AGAP1: variants seen among roughly 807,000 people sequenced by gnomAD.
AGAP1 encodes ArfGAP with GTPase domain, ankyrin repeat and PH domain 1, also known as arf-GAP with GTPase, ANK repeat and PH domain-containing protein 1.
In AGAP1, 29 loss-of-function variants were observed where a neutral mutation model predicts 105.3. The ratio of observed to expected loss-of-function variants is 0.28; its 90% CI spans 0.21 to 0.38. The LOEUF (loss-of-function observed/expected upper bound fraction) is 0.38, where lower values mean the gene tolerates loss of function less well. Among genes scored for constraint, AGAP1 ranks in the 10% least tolerant of loss-of-function variants. The pLI is 1.00. For synonymous variants in AGAP1, 509 were observed against 485.9 expected (o/e 1.05, Z -0.63); for missense variants, 998 against 1,165.1 (o/e 0.86, Z 2.09).
Position 235,991,654 on chromosome 2 carries a change from C to T in AGAP1, c.1645+23031C>T, listed in dbSNP as rs572497594. Among the ~76,000 whole-genome samples the T allele has an allele frequency of 2.6e-5, 4 of 152,282 alleles. No individual in the cohort carries two copies. In the East Asian group the frequency reaches 5.8e-4, roughly 22 times the overall value. ...CCCAGCAATTGGAAAAAGACATGAG[C>T]GTTTAATACTGGGCGTTCTTTCTAA... On this transcript the variant is annotated intron_variant, in intron 13 of 17. Transcript: ENST00000304032.
chr2:235,878,546 G>T (rs943276701), intron 9 of AGAP1, among the ~76,000 whole-genome samples: 1 of 152,180 alleles, frequency 6.6e-6, no homozygotes, highest in African/African-American at 2.4e-5. Flanking sequence ...TAGTCGGGTT[G>T]AGATTTCTTG....
Position 235,965,956 on chromosome 2 carries a change from G to C in AGAP1, c.1484-2506G>C, listed in dbSNP as rs1250476081. 6.6e-6 allele frequency among the ~76,000 whole-genome samples: 1 copy of C among 152,126 alleles called. No homozygotes were observed. The highest frequency in any genetic ancestry group is 1.5e-5 in the Non-Finnish European group (1 of 68,022). On this transcript the variant is annotated intron_variant, in intron 12 of 17. Transcript: ENST00000304032. The surrounding 1 kb of genome is among the most constrained non-coding windows in gnomAD (Gnocchi z 5.8). ...AGAGAGGGGAGCCCATTCCTCTAGG[G>C]ATGGAGAGAGGGGAGTCCGTTCCTC...
intron 11 of AGAP1, among the ~76,000 whole-genome samples, chr2:235,911,576 G>A (rs1479786077): frequency 6.6e-6 from 1 of 152,248 alleles, no homozygotes; most frequent in Non-Finnish European, 1.5e-5. Flanking sequence ...AAACACTAAT[G>A]TGTGATTTTA....
At chr2:236,049,702 T>C (rs116514153) in intron 16 of AGAP1, 3,664 of 154,006 alleles carry the variant, frequency 0.024, 135 homozygotes, top group African/African-American at 0.084. Context: ...ACAAAAGTTA[T>C]TTTTATGGTA....
rs547964796 is a variant in AGAP1, at chr2:236,119,524, C to G, written c.2115-668C>G. Among the ~76,000 whole-genome samples, 5 of 152,278 alleles carry G rather than the reference C, an allele frequency of 3.3e-5. No homozygotes were observed. The South Asian group carries it at 1.0e-3, about 32-fold the overall frequency. ...ACACCCCCTATTTCGGAGTTTGAAG[C>G]TAAAAGCACATGGTCACCCCCAGGT... On this transcript the variant is annotated intron_variant, in intron 16 of 17. Transcript: ENST00000304032. The surrounding 1 kb of genome is among the most constrained non-coding windows in gnomAD (Gnocchi z 6.6).
chr2:236,023,523 G>A (rs1026716835), intron 13 of AGAP1, among the ~76,000 whole-genome samples: 2 of 152,172 alleles, frequency 1.3e-5, no homozygotes, highest in Non-Finnish European at 2.9e-5. Flanking sequence ...GTGGTAATGT[G>A]TTCACCACGG....
intron 10 of AGAP1, among the ~76,000 whole-genome samples, chr2:235,892,322 G>T (rs946516152): frequency 6.6e-6 from 1 of 152,028 alleles, no homozygotes; most frequent in Non-Finnish European, 1.5e-5. Flanking sequence ...TACTAGGCAG[G>T]TTAATTTCTA....
chr2:235,888,813 C>A lies in AGAP1; in HGVS notation c.1155+5364C>A, dbSNP rs1481427114. Among the ~76,000 whole-genome samples the A allele has an allele frequency of 6.6e-6, 1 of 152,162 alleles. No homozygotes were observed. Among genetic ancestry groups the A allele is most frequent in the South Asian group, 2.1e-4 (1 of 4,832 alleles). On this transcript the variant is annotated intron_variant, in intron 10 of 17. Coordinates refer to ENST00000304032, the MANE Select transcript of AGAP1 (RefSeq NM_001037131.3). This position sits in a 1 kb window ranked among gnomAD's most constrained non-coding sequence, Gnocchi z 4.8. The stretch of plus-strand genomic sequence containing the variant: ...CTGTGGCCACTTCAGCTCCTGCGTG[C>A]TCCCAGCAGTGCCAGCATCCTCATA...
At chr2:235,823,778 C>G (rs1187394704) in intron 9 of AGAP1, among the ~76,000 whole-genome samples, 4 of 152,080 alleles carry the variant, frequency 2.6e-5, no homozygotes, top group Admixed American at 2.6e-4. Context: ...TTTAAATATG[C>G]AAGGGAATAG....
At position 236,062,547 on chromosome 2, in the gene AGAP1, C is replaced by T. The variant is rs2058230345; in HGVS notation, c.2114+13266C>T. Among the ~76,000 whole-genome samples, 1 of 152,160 alleles carries T rather than the reference C, an allele frequency of 6.6e-6. No individual in the cohort carries two copies. The highest frequency in any genetic ancestry group is 6.5e-5 in the Admixed American group (1 of 15,276). On this transcript the variant is annotated intron_variant, in intron 16 of 17. Transcript: ENST00000304032. The surrounding 1 kb of genome is among the most constrained non-coding windows in gnomAD (Gnocchi z 4.2). Reference sequence around the variant, plus strand: ...CTTGAATGCAGTGGCATGATCATAGCTTACTGCAACCCCAGACTCCCAGGC... The same window carrying T: ...CTTGAATGCAGTGGCATGATCATAGTTTACTGCAACCCCAGACTCCCAGGC...
chr2:235,522,911 G>A (rs1243980331), intron 1 of AGAP1, among the ~76,000 whole-genome samples: 2 of 152,212 alleles, frequency 1.3e-5, no homozygotes, highest in Non-Finnish European at 2.9e-5. Context: ...TTGGCAGTTG[G>A]CATGGTGGAT....
In AGAP1 at chr2:235,551,070, G is replaced by A. The variant is rs543044645; in HGVS notation, c.163+56221G>A. On this transcript the variant is annotated intron_variant, in intron 1 of 17. Transcript: ENST00000304032. This position sits in a 1 kb window ranked among gnomAD's most constrained non-coding sequence, Gnocchi z 4.8. ...ATTACAGGCGTGAGCCACCGCGCTC[G>A]GCCATAGATAGTGTTTCTTAAGAGT... 2.0e-5 allele frequency among the ~76,000 whole-genome samples: 3 copies of A among 152,196 alleles called. No homozygotes were observed. Among genetic ancestry groups the A allele is most frequent in the African/African-American group, 7.2e-5 (3 of 41,544 alleles).
At chr2:235,571,970 A>ATG (rs1944536157) in intron 1 of AGAP1, among the ~76,000 whole-genome samples, 2 of 54,686 alleles carry the variant, frequency 3.7e-5, no homozygotes, top group Non-Finnish European at 7.1e-5. Flanking sequence ...ATACATATAT[A>ATG]TGTATACACA....
intron 1 of AGAP1, among the ~76,000 whole-genome samples, chr2:235,547,611 G>A (rs1292021737): frequency 2.6e-5 from 4 of 151,938 alleles, no homozygotes; most frequent in African/African-American, 7.3e-5. Context: ...TGCCTGCCTC[G>A]GCCTCCCAAA....
chr2:235,564,930 C>CA (rs1338997285), intron 1 of AGAP1, among the ~76,000 whole-genome samples: 1 of 148,702 alleles, frequency 6.7e-6, no homozygotes, highest in Admixed American at 6.6e-5. Flanking sequence ...AACCACCACT[C>CA]ACGGCCAGCT....
intron 6 of AGAP1, among the ~76,000 whole-genome samples, chr2:235,796,160 C>G (rs2150034889): frequency 6.6e-6 from 1 of 152,218 alleles, no homozygotes; most frequent in Non-Finnish European, 1.5e-5. Flanking sequence ...AATCAAAGCC[C>G]CTTATTGCTA....
At chr2:235,821,476 C>G (rs180815455) in intron 9 of AGAP1, among the ~76,000 whole-genome samples, 1 of 151,508 alleles carries the variant, frequency 6.6e-6, no homozygotes. Context: ...CTCTGCCTCC[C>G]GGGTTCACAC....
rs2054439095 is a variant in AGAP1 at position 235,967,237 on chromosome 2, C to T, written c.1484-1225C>T. Reference sequence around the variant, plus strand: ...CTGACTGTTTCTCTGCTCTCATTACCTTCTCACTCCTCTGCCATTTTCAAG... The same window carrying T: ...CTGACTGTTTCTCTGCTCTCATTACTTTCTCACTCCTCTGCCATTTTCAAG... On this transcript the variant is annotated intron_variant, in intron 12 of 17. Transcript: ENST00000304032. This position sits in a 1 kb window ranked among gnomAD's most constrained non-coding sequence, Gnocchi z 4.7. Among the ~76,000 whole-genome samples the T allele has an allele frequency of 6.6e-6, 1 of 152,146 alleles. No homozygotes were observed. Among genetic ancestry groups the T allele is most frequent in the African/African-American group, 2.4e-5 (1 of 41,430 alleles).
At position 236,036,361 on chromosome 2, in the gene AGAP1, A is replaced by C. The variant is rs2057381661; in HGVS notation, c.1646-200A>C. 6.6e-6 allele frequency among the ~76,000 whole-genome samples: 1 copy of C among 152,178 alleles called. No homozygotes were observed. Among genetic ancestry groups the C allele is most frequent in the Non-Finnish European group, 1.5e-5 (1 of 68,032 alleles). On this transcript the variant is annotated intron_variant, in intron 13 of 17. Coordinates refer to ENST00000304032, the MANE Select transcript of AGAP1 (RefSeq NM_001037131.3). This position sits in a 1 kb window ranked among gnomAD's most constrained non-coding sequence, Gnocchi z 5.7. ...GCCTTGATTGAAACCTGGCTAAGTC[A>C]TGCTGGCCTTAGGAACCACATCTGG...
Sources: allele counts gnomAD v4.1 joint callset (sites outside exome capture counted in the v4.1 genomes callset), GRCh38; gene constraint gnomAD v4.1.1; non-coding constraint Gnocchi (gnomAD v3.1); transcripts MANE v1.5; gene names NCBI Gene and HGNC (gene_info 2026-07-23, HGNC 2026-07-21).